The following CLIP2 variants were observed in gnomAD, a reference collection of about 807,000 sequenced individuals.
CLIP2 encodes CAP-Gly domain containing linker protein 2.
A neutral mutation model predicts 111.7 loss-of-function variants in CLIP2; 41 were observed. That is an observed-to-expected ratio of 0.37 (90% CI 0.29 to 0.48). The LOEUF is 0.48. CLIP2 is among the 20% of genes least tolerant of loss of function. The pLI is 0.99. For missense variants in CLIP2, 1,160 were observed against 1,422.1 expected (o/e 0.82, Z 2.96); for synonymous variants, 660 against 644.2 (o/e 1.02, Z -0.37).
intron 1 of CLIP2, among the ~76,000 whole-genome samples, chr7:74,313,910 C>G (rs1315755514): frequency 6.6e-6 from 1 of 151,988 alleles, no homozygotes; most frequent in East Asian, 1.9e-4. Flanking sequence ...AGGCTGGGAG[C>G]AGTGGCTCAT....
intron 1 of CLIP2, among the ~76,000 whole-genome samples, chr7:74,308,197 C>T (rs377543410): frequency 1.5e-4 from 23 of 152,256 alleles, no homozygotes; most frequent in African/African-American, 5.3e-4. Context: ...GGAGAAAAGA[C>T]ACAGGTGGCC....
intron 7 of CLIP2, among the ~76,000 whole-genome samples, chr7:74,361,196 C>CTTCCTTAA: frequency 7.8e-6 from 1 of 128,990 alleles, no homozygotes; most frequent in East Asian, 2.6e-4. Context: ...TCCTTCCTTC[C>CTTCCTTAA]TTCCTTCCTT....
At chr7:74,399,553 GGGT>G (rs1326835050) in intron 14 of CLIP2, among the ~76,000 whole-genome samples, 11 of 117,470 alleles carry the variant, frequency 9.4e-5, no homozygotes, top group African/African-American at 3.3e-4. Context: ...GGGGGGGGGG[GGGT>G]GGGGACCAAG....
intron 12 of CLIP2, among the ~76,000 whole-genome samples, chr7:74,387,191 C>G (rs1791135307): frequency 6.6e-6 from 1 of 152,046 alleles, no homozygotes; most frequent in Non-Finnish European, 1.5e-5. Flanking sequence ...TCTATCCATT[C>G]TATCCCAGGT....
intron 9 of CLIP2, among the ~76,000 whole-genome samples, chr7:74,375,254 TAA>T (rs113498214): frequency 4.9e-5 from 7 of 142,198 alleles, no homozygotes; most frequent in African/African-American, 7.7e-5. Flanking sequence ...CCGTCTCTTT[TAA>T]AAAAAAAAAA....
rs1790184896 is a variant in CLIP2 at position 74,357,537 on chromosome 7, C to T, written c.1215+60C>T. Reference sequence around the variant, plus strand: ...CCAGCCAGCCTCATAGAGTCTCACCCACTCAGAGCGGAGACCCTGGAGGGG... The same window carrying T: ...CCAGCCAGCCTCATAGAGTCTCACCTACTCAGAGCGGAGACCCTGGAGGGG... On this transcript the variant is annotated intron_variant, in intron 6 of 16. Coordinates refer to ENST00000223398, the MANE Select transcript of CLIP2 (RefSeq NM_003388.5). 1.3e-5 allele frequency: 19 copies of T among 1,509,058 alleles called. No individual in the cohort carries two copies. In the Middle Eastern group the frequency reaches 3.5e-3, roughly 274 times the overall value. The allele number at this position is 1,509,058 out of a possible 1,614,324, so 93.5% of individuals were successfully genotyped here. A position where few individuals can be genotyped will look rare whatever the true frequency, so the allele number is the denominator to read the frequency against.
rs782366579 is a variant in CLIP2, at chr7:74,376,048, G to T, written c.1647G>T (p.Leu549=). ...AAEILRLRER[L]LSASKEHQRE... is the part of the protein sequence containing the mutation. Reference sequence around the variant, plus strand: ...AGATCCTGCGGCTACGGGAGCGGCTGCTCTCGGCCAGCAAGGAACACCAGA... The same window carrying T: ...AGATCCTGCGGCTACGGGAGCGGCTTCTCTCGGCCAGCAAGGAACACCAGA... The change falls in exon 10 of 17, where the codon CTG becomes CTT. Residue 549 remains leucine, a synonymous_variant. Coordinates refer to ENST00000223398, the MANE Select transcript of CLIP2 (RefSeq NM_003388.5). This position sits in a 1 kb window ranked among gnomAD's most constrained non-coding sequence, Gnocchi z 7.1. 3 of 1,612,848 alleles carry T rather than the reference G, an allele frequency of 1.9e-6. No individual in the cohort carries two copies.
rs782542403 is a variant in CLIP2, at chr7:74,400,376, G to A, written c.2887G>A (p.Glu963Lys). The A allele has an allele frequency of 1.9e-6, 3 of 1,607,446 alleles. No homozygotes were observed. Among genetic ancestry groups the A allele is most frequent in the African/African-American group, 2.7e-5 (2 of 74,796 alleles). The change falls in exon 15 of 17, where the codon GAG becomes AAG. Residue 963 changes from glutamate to lysine, a missense_variant. Transcript: ENST00000223398. Reference protein sequence around the residue: ...LREKLTGLDKEKSLSDQRRYS... With the variant: ...LREKLTGLDKKKSLSDQRRYS... The stretch of plus-strand genomic sequence containing the variant: ...ACTCTCCTGCCACTTCCAGGACAAA[G>A]AGAAATCCCTGTCGGATCAGAGGCG...
intron 6 of CLIP2, 152 bp downstream of exon 6, chr7:74,357,629 C>A: frequency 1.5e-6 from 1 of 675,130 alleles, no homozygotes; most frequent in Non-Finnish European, 2.5e-6. Flanking sequence ...AGATAAGCCT[C>A]AGTGACCTGG....
intron 11 of CLIP2, among the ~76,000 whole-genome samples, chr7:74,383,080 C>CA (rs556644763): frequency 0.05 from 3,033 of 60,968 alleles, 46 homozygotes; most frequent in Middle Eastern, 0.089. Context: ...ACCCTGTCAC[C>CA]AAAAAAAAAA....
chr7:74,351,081 AAGAAAAAGAAGG>A (rs1388907239), intron 3 of CLIP2, among the ~76,000 whole-genome samples: 1 of 26,590 alleles, frequency 3.8e-5, no homozygotes, highest in Non-Finnish European at 1.9e-4. Context: ...GAAAGAAAGA[AAGAAAAAGAAGG>A]AAGGGAAGGG....
In CLIP2 at chr7:74,317,782, G is replaced by A. The variant is rs1019109714; in HGVS notation, c.121+115G>A. ...TGTGACCAATCTGATGGGGGACGCT[G>A]AGTGTCATGAGCTCCTGTAATGGGG... On this transcript the variant is annotated intron_variant, in intron 2 of 16. Coordinates refer to ENST00000223398, the MANE Select transcript of CLIP2 (RefSeq NM_003388.5). 1.3e-5 allele frequency: 16 copies of A among 1,234,554 alleles called. No homozygotes were observed. In the African/African-American group the frequency reaches 1.9e-4, roughly 14 times the overall value. 76.5% of individuals were successfully genotyped at this position (1,234,554 alleles called of 1,614,324 possible). A position where few individuals can be genotyped will look rare whatever the true frequency, so the allele number is the denominator to read the frequency against.
chr7:74,320,831 A>G (rs1366527845), intron 2 of CLIP2, among the ~76,000 whole-genome samples: 1 of 151,988 alleles, frequency 6.6e-6, no homozygotes, highest in African/African-American at 2.4e-5. Context: ...ACAGTGGGGG[A>G]AGGTCGTGAG....
chr7:74,394,435 A>G (rs193172319), intron 13 of CLIP2, among the ~76,000 whole-genome samples: 1 of 151,968 alleles, frequency 6.6e-6, no homozygotes, highest in Admixed American at 6.6e-5. Flanking sequence ...TTTTTAGTAT[A>G]GATAGGGTTT....
intron 10 of CLIP2, among the ~76,000 whole-genome samples, chr7:74,378,344 T>TCTCAAACTCCTGGG (rs1208820932): frequency 1.3e-5 from 2 of 151,438 alleles, no homozygotes; most frequent in African/African-American, 4.9e-5. Context: ...CCCAGGCTGG[T>TCTCAAACTCCTGGG]CTCAAACTCC....
intron 1 of CLIP2, among the ~76,000 whole-genome samples, chr7:74,306,574 T>G (rs1383358954): frequency 1.3e-5 from 2 of 152,136 alleles, no homozygotes; most frequent in Non-Finnish European, 2.9e-5. Context: ...TTGGCAGAGT[T>G]CCGAGGCTGC....
chr7:74,372,812 A>C, intron 8 of CLIP2, 120 bp from the exon 9 acceptor site: 6 of 672,704 alleles, frequency 8.9e-6, no homozygotes, highest in East Asian at 2.8e-5. Flanking sequence ...TGTTCACGGA[A>C]GATGACGCCT....
intron 9 of CLIP2, 52 bp downstream of exon 9, chr7:74,373,088 G>A: frequency 9.5e-7 from 1 of 1,054,214 alleles, no homozygotes; most frequent in Non-Finnish European, 1.4e-6. Flanking sequence ...GCCCTTTGAT[G>A]CCCCCTCTGG....
intron 3 of CLIP2, among the ~76,000 whole-genome samples, chr7:74,351,692 C>A (rs1554307598): frequency 6.6e-6 from 1 of 151,874 alleles, no homozygotes; most frequent in Admixed American, 6.6e-5. Context: ...AAAAATTAGC[C>A]GGGCATGGTG....
Sources: allele counts gnomAD v4.1 joint callset (sites outside exome capture counted in the v4.1 genomes callset), GRCh38; gene constraint gnomAD v4.1.1; non-coding constraint Gnocchi (gnomAD v3.1); transcripts MANE v1.5; gene names NCBI Gene and HGNC (gene_info 2026-07-23, HGNC 2026-07-21).